The following TRPM7 variants were observed in gnomAD, a reference collection of about 807,000 sequenced individuals.
The protein encoded by TRPM7 is LTRPC ion channel family member 7.
In TRPM7, 134 loss-of-function variants were observed where a neutral mutation model predicts 229.7. That is an observed-to-expected ratio of 0.58 (90% CI 0.51 to 0.67). The LOEUF (loss-of-function observed/expected upper bound fraction) is 0.67, where lower values mean the gene tolerates loss of function less well. Among genes scored for constraint, TRPM7 ranks in the 30% least tolerant of loss-of-function variants. The pLI, the probability that TRPM7 is intolerant of heterozygous loss-of-function variation, is 0.00. For missense variants in TRPM7, 1,901 were observed against 2,210.0 expected (o/e 0.86, Z 2.80); for synonymous variants, 699 against 715.2 (o/e 0.98, Z 0.36).
At chr15:50,584,341 T>C (rs540394236) in intron 28 of TRPM7, among the ~76,000 whole-genome samples, 3 of 152,296 alleles carry the variant, frequency 2.0e-5, no homozygotes, top group Middle Eastern at 3.4e-3. Context: ...CTGAATATCA[T>C]GAAGAAATCT....
At position 50,599,132 on chromosome 15, in the gene TRPM7, G is replaced by A. The variant is rs187837351; in HGVS notation, c.3153C>T (p.Tyr1051=). 74 of 1,596,882 alleles carry A rather than the reference G, an allele frequency of 4.6e-5. No homozygotes were observed. The highest frequency in any genetic ancestry group is 1.3e-4 in the African/African-American group (10 of 74,144). The change falls in exon 22 of 39, where the codon TAC becomes TAT. Residue 1051 remains tyrosine, a synonymous_variant. Transcript: ENST00000646667. Reference sequence around the variant, plus strand: ...ATATACAATTCTTACCATCAATTTCGTATGCATAAACTTCACCAAAAATCA... The same window carrying A: ...ATATACAATTCTTACCATCAATTTCATATGCATAAACTTCACCAAAAATCA... The part of the protein sequence containing the change: ...YWMIFGEVYA[Y]EIDVCANDSV...
chr15:50,617,057 A>C (rs2060240850), intron 13 of TRPM7, among the ~76,000 whole-genome samples: 1 of 151,866 alleles, frequency 6.6e-6, no homozygotes, highest in African/African-American at 2.4e-5. Flanking sequence ...TTGGGAGGCG[A>C]GGTGGGTGGA....
At chr15:50,665,761 G>A (rs138616340) in intron 1 of TRPM7, among the ~76,000 whole-genome samples, 191 of 152,200 alleles carry the variant, frequency 1.3e-3, no homozygotes, top group South Asian at 4.4e-3. Context: ...TTGGGAGGCC[G>A]AGGTGGGCAG....
At position 50,660,526 on chromosome 15, in the gene TRPM7, A is replaced by T. The variant is rs1323774463; in HGVS notation, c.83+2441T>A. Among the ~76,000 whole-genome samples, 6 of 152,258 alleles carry T rather than the reference A, an allele frequency of 3.9e-5. No individual in the cohort carries two copies. In the East Asian group the frequency reaches 1.2e-3, roughly 29 times the overall value. On this transcript the variant is annotated intron_variant, in intron 2 of 38. Transcript: ENST00000646667. ...AAAAATTAAGTGGGCGTGGTAGCGC[A>T]TGCCTATAGTCCCAGCTACTCAGGT...
In TRPM7 at chr15:50,634,491, C is replaced by T. The variant is rs749182448; in HGVS notation, c.898G>A (p.Val300Ile). The change falls in exon 8 of 39, where the codon GTT becomes ATT. Residue 300 changes from valine (V) to isoleucine (I), a missense_variant. By Grantham distance (29) the Val-to-Ile change is conservative. Around this residue, in one of 8 missense-constraint regions of TRPM7, gnomAD observed 794 missense variants for 881.9 expected, o/e 0.90. Transcript: ENST00000646667. ...GGGCTTTCCTGAAGGTATTCAAGAA[C>T]TGTGAGGATAACATTTGGCCCACCC... is the stretch of plus-strand genomic sequence containing the variant. The part of the protein sequence containing the change: ...FEGGPNVILT[V>I]LEYLQESPPV... The T allele has an allele frequency of 4.4e-6, 7 of 1,580,672 alleles. No individual in the cohort carries two copies. The Admixed American group carries it at 1.3e-4, about 29-fold the overall frequency.
At chr15:50,647,864 C>A (rs1275452995) in intron 4 of TRPM7, among the ~76,000 whole-genome samples, 2 of 152,212 alleles carry the variant, frequency 1.3e-5, no homozygotes, top group Non-Finnish European at 2.9e-5. Context: ...CTATACTAAA[C>A]ATGTGTAGAC....
intron 36 of TRPM7, 72 bp from the exon 37 acceptor site, chr15:50,570,227 A>G: frequency 1.8e-6 from 2 of 1,087,338 alleles, no homozygotes. Flanking sequence ...CATCTGCATA[A>G]TAAAAATCAT....
intron 31 of TRPM7, chr15:50,578,432 G>A (rs2054240703): frequency 3.8e-5 from 15 of 395,902 alleles, no homozygotes; most frequent in Non-Finnish European, 1.4e-5. Context: ...AAGTGTGACA[G>A]TAAAGATATC....
intron 31 of TRPM7, among the ~76,000 whole-genome samples, chr15:50,576,250 T>TTG (rs1334633181): frequency 6.6e-6 from 1 of 152,210 alleles, no homozygotes; most frequent in Non-Finnish European, 1.5e-5. Context: ...GGTTGGGGAC[T>TTG]GTAGCCATGT....
intron 19 of TRPM7, 31 bp from the exon 20 acceptor site, chr15:50,607,359 C>T: frequency 6.8e-7 from 1 of 1,479,336 alleles, no homozygotes; most frequent in Non-Finnish European, 9.1e-7. Flanking sequence ...ACATAAATAA[C>T]ATTGGTTACA....
At chr15:50,662,302 G>T (rs2061744206) in intron 2 of TRPM7, among the ~76,000 whole-genome samples, 1 of 150,822 alleles carries the variant, frequency 6.6e-6, no homozygotes, top group South Asian at 2.1e-4. Context: ...ACTCCAGCCT[G>T]GACGACAGAG....
intron 21 of TRPM7, 71 bp downstream of exon 21, chr15:50,604,795 T>C: frequency 7.1e-7 from 1 of 1,399,286 alleles, no homozygotes; most frequent in Non-Finnish European, 9.6e-7. Context: ...TAAAACTATG[T>C]TAATAACATT....
chr15:50,648,131 C>A (rs1299411583), intron 4 of TRPM7, among the ~76,000 whole-genome samples: 1 of 127,356 alleles, frequency 7.9e-6, no homozygotes, highest in Non-Finnish European at 1.7e-5. Context: ...AGAGGGTGTG[C>A]ATAGATTACA....
intron 3 of TRPM7, 150 bp from the exon 4 acceptor site, chr15:50,649,035 C>G: frequency 2.0e-6 from 1 of 511,568 alleles, no homozygotes; most frequent in East Asian, 3.3e-5. Flanking sequence ...TTTAGGATAT[C>G]TATATATTAA....
At chr15:50,667,375 G>A (rs1246568286) in intron 1 of TRPM7, among the ~76,000 whole-genome samples, 2 of 152,162 alleles carry the variant, frequency 1.3e-5, no homozygotes, top group Non-Finnish European at 2.9e-5. Flanking sequence ...TGTTGTGTGT[G>A]TATGATATGA....
At chr15:50,672,989 GTGT>G (rs1429607599) in intron 1 of TRPM7, among the ~76,000 whole-genome samples, 1 of 148,940 alleles carries the variant, frequency 6.7e-6, no homozygotes, top group African/African-American at 2.5e-5. Context: ...TTTATACGAA[GTGT>G]TATTACAAGA....
intron 6 of TRPM7, among the ~76,000 whole-genome samples, chr15:50,638,204 A>G (rs12901275): frequency 0.077 from 11,647 of 150,812 alleles, 550 homozygotes; most frequent in South Asian, 0.12. Context: ...CTAAAAATAC[A>G]AAAAATTAGC....
chr15:50,668,050 G>A (rs552320683), intron 1 of TRPM7, among the ~76,000 whole-genome samples: 2 of 152,198 alleles, frequency 1.3e-5, no homozygotes, highest in South Asian at 4.1e-4. Context: ...TTTGTCAATC[G>A]TGTCTTTGAC....
At chr15:50,633,847 C>A (rs1259478806) in intron 8 of TRPM7, among the ~76,000 whole-genome samples, 1 of 152,178 alleles carries the variant, frequency 6.6e-6, no homozygotes, top group African/African-American at 2.4e-5. Context: ...TTTGACACAT[C>A]TTACAAAACT....
Sources: allele counts gnomAD v4.1 joint callset (sites outside exome capture counted in the v4.1 genomes callset), GRCh38; gene constraint gnomAD v4.1.1; regional missense constraint gnomAD v4.1.1; transcripts MANE v1.5; gene names NCBI Gene and HGNC (gene_info 2026-07-23, HGNC 2026-07-21).